Variants in SEM1 observed in about 807,000 individuals in gnomAD.
The protein encoded by SEM1 is 26S proteasome complex subunit SEM1.
A neutral mutation model predicts 12.7 loss-of-function variants in SEM1; 3 were observed. The ratio of observed to expected loss-of-function variants is 0.24; its 90% CI spans 0.11 to 0.61. The LOEUF (loss-of-function observed/expected upper bound fraction) is 0.61, where lower values mean the gene tolerates loss of function less well. SEM1 is among the 20% of genes least tolerant of loss of function. SEM1 has a pLI of 0.88. For synonymous variants in SEM1, 30 were observed against 27.8 expected (o/e 1.08, Z -0.25); for missense variants, 59 against 81.3 (o/e 0.73, Z 1.06).
intron 2 of SEM1, among the ~76,000 whole-genome samples, chr7:96,631,472 A>T (rs965059141): frequency 2.0e-5 from 3 of 152,032 alleles, no homozygotes; most frequent in Non-Finnish European, 2.9e-5. Flanking sequence ...TCTCTGCACC[A>T]TGCCACTGCT....
At chr7:96,629,607 C>A in intron 2 of SEM1, among the ~76,000 whole-genome samples, 1 of 152,114 alleles carries the variant, frequency 6.6e-6, no homozygotes. Flanking sequence ...TGAAAGGTCA[C>A]ATATCCGTTT....
At chr7:96,578,504 G>A (rs1340040616) in intron 2 of SEM1, among the ~76,000 whole-genome samples, 1 of 152,020 alleles carries the variant, frequency 6.6e-6, no homozygotes, top group Non-Finnish European at 1.5e-5. Context: ...ATCTTCCAAT[G>A]TGAAATTAGC....
At position 96,571,830 on chromosome 7, in the gene SEM1, C is replaced by T. The variant is rs150869999; in HGVS notation, c.171-65132G>A. 4.1e-3 allele frequency among the ~76,000 whole-genome samples: 623 copies of T among 151,934 alleles called. 1 individual carries two copies. The highest frequency in any genetic ancestry group is 0.02 in the Middle Eastern group (6 of 294). On this transcript the variant is annotated intron_variant and NMD_transcript_variant, in intron 2 of 3. Coordinates refer to the SEM1 transcript ENST00000466986. ...TCATAAAATGAGCTAGGGAGGAGTC[C>T]CTCTTTTTCTATTGTTGGGAATAGT... is the stretch of plus-strand genomic sequence containing the variant.
intron 2 of SEM1, among the ~76,000 whole-genome samples, chr7:96,648,490 T>G (rs1000509484): frequency 6.6e-6 from 1 of 152,194 alleles, no homozygotes; most frequent in South Asian, 2.1e-4. Flanking sequence ...AAAGGGAATA[T>G]CCTTTCATTC....
At chr7:96,586,642 ACT>A (rs1025913293) in intron 2 of SEM1, among the ~76,000 whole-genome samples, 4 of 151,646 alleles carry the variant, frequency 2.6e-5, no homozygotes, top group African/African-American at 9.7e-5. Context: ...CCAGATAAAA[ACT>A]CTTCCTAGAG....
At chr7:96,643,195 G>A (rs1045872067) in intron 2 of SEM1, among the ~76,000 whole-genome samples, 1 of 151,964 alleles carries the variant, frequency 6.6e-6, no homozygotes, top group Non-Finnish European at 1.5e-5. Context: ...AAGTGAGAAC[G>A]TGCAGTATTT....
chr7:96,674,559 T>C lies in SEM1; in HGVS notation c.171-700A>G, dbSNP rs557286054. 7.2e-5 allele frequency among the ~76,000 whole-genome samples: 11 copies of C among 151,794 alleles called. No homozygotes were observed. The South Asian group carries it at 2.3e-3, about 32-fold the overall frequency. On this transcript the variant is annotated intron_variant, in intron 2 of 2. Coordinates refer to the SEM1 transcript ENST00000413065. The stretch of plus-strand genomic sequence containing the variant: ...CATGCCTGTGGTCCCAGAAGATACT[T>C]GGGAAGCTGATATGGGAGGATGGTT...
At chr7:96,493,461 T>C (rs1330027164) in intron 1 of SEM1, among the ~76,000 whole-genome samples, 1 of 152,188 alleles carries the variant, frequency 6.6e-6, no homozygotes, top group Non-Finnish European at 1.5e-5. Flanking sequence ...TAGTCTGCCA[T>C]ACACCATTGT....
At chr7:96,547,196 T>C (rs1805128973) in intron 2 of SEM1, among the ~76,000 whole-genome samples, 1 of 152,172 alleles carries the variant, frequency 6.6e-6, no homozygotes, top group African/African-American at 2.4e-5. Flanking sequence ...CATTTTAGAA[T>C]TGATGCTTCT....
At chr7:96,607,475 G>C (rs1354538949) in intron 2 of SEM1, among the ~76,000 whole-genome samples, 1 of 152,058 alleles carries the variant, frequency 6.6e-6, no homozygotes, top group Non-Finnish European at 1.5e-5. Context: ...AAATGTTTAT[G>C]GTAAAATTAT....
At chr7:96,484,271 G>A (rs961018693) in intron 3 of SEM1, among the ~76,000 whole-genome samples, 14 of 152,216 alleles carry the variant, frequency 9.2e-5, no homozygotes, top group African/African-American at 2.9e-4. Context: ...GCCTGTGGTC[G>A]CTGCTCAGAA....
At chr7:96,493,842 C>A (rs565617184) in intron 1 of SEM1, among the ~76,000 whole-genome samples, 24 of 152,266 alleles carry the variant, frequency 1.6e-4, no homozygotes, top group South Asian at 8.3e-4. Context: ...TTTCTACTCA[C>A]CTAATCTCAC....
At chr7:96,505,384 G>T (rs188466796) in intron 3 of SEM1, among the ~76,000 whole-genome samples, 2 of 152,242 alleles carry the variant, frequency 1.3e-5, no homozygotes, top group African/African-American at 4.8e-5. Context: ...GACTACAGGT[G>T]TGAGCCACTG....
At chr7:96,630,873 C>A (rs1808234842) in intron 2 of SEM1, among the ~76,000 whole-genome samples, 1 of 151,800 alleles carries the variant, frequency 6.6e-6, no homozygotes, top group Non-Finnish European at 1.5e-5. Flanking sequence ...GGAGTAGGTC[C>A]TTCCTTTCGA....
intron 1 of SEM1, among the ~76,000 whole-genome samples, chr7:96,704,532 C>T (rs1380252136): frequency 1.3e-5 from 2 of 152,072 alleles, no homozygotes; most frequent in African/African-American, 4.8e-5. Context: ...CTTATTCTAT[C>T]CTGGGGTTCA....
intron 1 of SEM1, among the ~76,000 whole-genome samples, chr7:96,493,619 AT>A (rs1803117595): frequency 6.6e-6 from 1 of 151,980 alleles, no homozygotes; most frequent in African/African-American, 2.4e-5. Flanking sequence ...CTCCAATATC[AT>A]TGTTGGAGTG....
At chr7:96,604,895 GGC>G (rs1457774917) in intron 2 of SEM1, among the ~76,000 whole-genome samples, 7 of 9,132 alleles carry the variant, frequency 7.7e-4, no homozygotes, top group East Asian at 0.25. Flanking sequence ...CTCCAGCCTG[GGC>G]GAGACAGAGC....
chr7:96,560,150 T>A (rs1001223615), intron 2 of SEM1, among the ~76,000 whole-genome samples: 10 of 152,318 alleles, frequency 6.6e-5, no homozygotes, highest in African/African-American at 2.4e-4. Flanking sequence ...CATCTTTATT[T>A]TTTTCAAATA....
At chr7:96,558,544 TAAAG>T (rs1441995760) in intron 2 of SEM1, among the ~76,000 whole-genome samples, 2 of 151,960 alleles carry the variant, frequency 1.3e-5, no homozygotes, top group African/African-American at 4.8e-5. Flanking sequence ...GCAGTAAAGT[TAAAG>T]AAGAGAATGA....
Sources: allele counts gnomAD v4.1 joint callset (sites outside exome capture counted in the v4.1 genomes callset), GRCh38; gene constraint gnomAD v4.1.1; transcripts MANE v1.5; gene names NCBI Gene and HGNC (gene_info 2026-07-23, HGNC 2026-07-21).